The following ERBB4 variants were observed in gnomAD, a reference collection of about 807,000 sequenced individuals.
The protein encoded by ERBB4 is erb-b2 receptor tyrosine kinase 4, also known as receptor tyrosine-protein kinase erbB-4.
ERBB4 carries 42 observed loss-of-function variants against 158.0 expected under a neutral mutation model. The observed-to-expected ratio is 0.27, with a 90% CI of 0.21 to 0.34. The LOEUF (loss-of-function observed/expected upper bound fraction) is 0.34. Among genes scored for constraint, ERBB4 ranks in the 10% least tolerant of loss-of-function variants. The pLI, the probability that ERBB4 is intolerant of heterozygous loss-of-function variation, is 1.00. For synonymous variants in ERBB4, 583 were observed against 558.7 expected (o/e 1.04, Z -0.61); for missense variants, 1,333 against 1,624.1 (o/e 0.82, Z 3.08).
chr2:212,333,225 C>A (rs963236661), intron 1 of ERBB4, among the ~76,000 whole-genome samples: 1 of 151,964 alleles, frequency 6.6e-6, no homozygotes, highest in South Asian at 2.1e-4. Context: ...TGGTTAAGAA[C>A]CCTCACTCTA....
chr2:212,251,837 C>G (rs1015130097), intron 1 of ERBB4, among the ~76,000 whole-genome samples: 5 of 151,878 alleles, frequency 3.3e-5, no homozygotes, highest in Admixed American at 6.6e-5. Context: ...ATATAGGAAG[C>G]CATGGGAAGT....
intron 2 of ERBB4, among the ~76,000 whole-genome samples, chr2:212,015,028 T>TAAAAA (rs71397157): frequency 0.12 from 526 of 4,506 alleles, 47 homozygotes; most frequent in Middle Eastern, 0.5. Context: ...CCGTCTCTAC[T>TAAAAA]AAAAAAAAAA....
At chr2:212,352,452 A>G (rs1410857239) in intron 1 of ERBB4, among the ~76,000 whole-genome samples, 1 of 152,222 alleles carries the variant, frequency 6.6e-6, no homozygotes, top group Non-Finnish European at 1.5e-5. Context: ...ATAATTTATT[A>G]CAAAATGTTT....
chr2:212,523,210 C>T (rs1013607651), intron 1 of ERBB4, among the ~76,000 whole-genome samples: 2 of 151,718 alleles, frequency 1.3e-5, no homozygotes, highest in Non-Finnish European at 2.9e-5. Context: ...CTTTTTATCT[C>T]CTTTTGATTT....
intron 1 of ERBB4, among the ~76,000 whole-genome samples, chr2:212,251,308 T>C (rs574396791): frequency 6.6e-6 from 1 of 152,166 alleles, no homozygotes; most frequent in East Asian, 1.9e-4. Context: ...ATTCATTTAT[T>C]TATTCATTTA....
intron 3 of ERBB4, among the ~76,000 whole-genome samples, chr2:211,926,375 A>T (rs1193650615): frequency 6.6e-6 from 1 of 152,140 alleles, no homozygotes; most frequent in African/African-American, 2.4e-5. Context: ...GCCACACTTT[A>T]TCGTAGTACT....
At chr2:212,385,165 A>C (rs2090634646) in intron 1 of ERBB4, among the ~76,000 whole-genome samples, 1 of 151,716 alleles carries the variant, frequency 6.6e-6, no homozygotes, top group East Asian at 1.9e-4. Flanking sequence ...CTGACAAATT[A>C]AAAGACTGCA....
At chr2:211,532,534 G>C (rs1022697720) in intron 20 of ERBB4, among the ~76,000 whole-genome samples, 2 of 151,918 alleles carry the variant, frequency 1.3e-5, no homozygotes, top group African/African-American at 4.8e-5. Context: ...TAGAGAATCT[G>C]GGAGAAAAAA....
intron 1 of ERBB4, among the ~76,000 whole-genome samples, chr2:212,230,036 G>A (rs1375628581): frequency 6.6e-6 from 1 of 152,172 alleles, no homozygotes; most frequent in Admixed American, 6.5e-5. Flanking sequence ...TGTAATCCAA[G>A]CACTTTGGGA....
chr2:211,820,666 G>GAC (rs142578504), intron 3 of ERBB4, among the ~76,000 whole-genome samples: 6 of 151,584 alleles, frequency 4.0e-5, no homozygotes, highest in Admixed American at 3.3e-4. Context: ...TGATGACATA[G>GAC]ACACACACAC....
At chr2:211,506,195 G>C (rs930049196) in intron 20 of ERBB4, among the ~76,000 whole-genome samples, 1 of 149,782 alleles carries the variant, frequency 6.7e-6, no homozygotes, top group East Asian at 1.9e-4. Flanking sequence ...ACAATAAAGA[G>C]TGCAATACAG....
At chr2:211,526,293 A>G (rs1428104970) in intron 20 of ERBB4, among the ~76,000 whole-genome samples, 1 of 152,102 alleles carries the variant, frequency 6.6e-6, no homozygotes, top group Non-Finnish European at 1.5e-5. Context: ...ACAAAAAACA[A>G]GAGTCTCTGC....
chr2:211,970,354 T>A (rs2081417588), intron 2 of ERBB4, among the ~76,000 whole-genome samples: 1 of 152,202 alleles, frequency 6.6e-6, no homozygotes, highest in Non-Finnish European at 1.5e-5. Context: ...GAAGAATGTA[T>A]ATTCTGTTGT....
At chr2:212,155,491 C>T (rs758767609) in intron 1 of ERBB4, among the ~76,000 whole-genome samples, 2 of 152,096 alleles carry the variant, frequency 1.3e-5, no homozygotes, top group African/African-American at 2.4e-5. Context: ...TCTCTGGCCC[C>T]GCCCCAGACC....
intron 14 of ERBB4, 72 bp downstream of exon 14, chr2:211,673,092 T>C (rs2071905081): frequency 1.7e-6 from 2 of 1,168,270 alleles, no homozygotes; most frequent in Admixed American, 1.7e-5. Context: ...GATGAATAAA[T>C]GATAAAATAA....
At position 211,861,325 on chromosome 2, in the gene ERBB4, G is replaced by A. The variant is rs758623126; in HGVS notation, c.422-73166C>T. On this transcript the variant is annotated intron_variant, in intron 3 of 27. Coordinates refer to ENST00000342788, the MANE Select transcript of ERBB4 (RefSeq NM_005235.3). ...ACAAATTCATGCCATCAGTCCAGGC[G>A]TGTTTTTTTTTTTGTTTTTTTTTTG... Among the ~76,000 whole-genome samples, 160 of 94,168 alleles carry A rather than the reference G, an allele frequency of 1.7e-3. No homozygotes were observed. In the East Asian group the frequency reaches 0.024, roughly 14 times the overall value. The allele number at this position is 94,168 out of a possible 152,430, so 61.8% of individuals were successfully genotyped here.
At chr2:212,203,433 G>A (rs972663501) in intron 1 of ERBB4, among the ~76,000 whole-genome samples, 1 of 152,164 alleles carries the variant, frequency 6.6e-6, no homozygotes, top group Non-Finnish European at 1.5e-5. Context: ...TAGGAGATGA[G>A]CTCAAGACAC....
intron 3 of ERBB4, among the ~76,000 whole-genome samples, chr2:211,833,336 T>G (rs1052777044): frequency 6.6e-6 from 1 of 152,166 alleles, no homozygotes; most frequent in African/African-American, 2.4e-5. Flanking sequence ...TCTCCATTTT[T>G]CTGCTCTGCC....
chr2:211,693,272 T>C (rs1003116498), intron 12 of ERBB4, among the ~76,000 whole-genome samples: 7 of 152,196 alleles, frequency 4.6e-5, no homozygotes, highest in Non-Finnish European at 1.0e-4. Context: ...GTTGAAAGTC[T>C]AAAGTAAATA....
Sources: gnomAD v4.1 joint callset for allele counts (sites outside exome capture counted in the v4.1 genomes callset) on GRCh38, gnomAD v4.1.1 for gene constraint, MANE v1.5 for transcripts, NCBI Gene and HGNC (gene_info 2026-07-23, HGNC 2026-07-21) for gene names.